PTPRD: variants seen among roughly 807,000 people sequenced by gnomAD.
PTPRD encodes receptor-type tyrosine-protein phosphatase delta.
Under a neutral mutation model 214.5 loss-of-function variants are expected in PTPRD, and 34 were observed. The observed-to-expected ratio is 0.16, with a 90% CI of 0.12 to 0.21. PTPRD has a LOEUF of 0.21. Ranked by LOEUF, PTPRD falls within the 10% of genes least tolerant of loss-of-function variation. The pLI is 1.00. For synonymous variants in PTPRD, 1,128 were observed against 845.7 expected (o/e 1.33, Z -5.79); for missense variants, 2,545 against 2,398.7 (o/e 1.06, Z -1.27).
chr9:10,510,020 T>C (rs1367066719), intron 2 of PTPRD, among the ~76,000 whole-genome samples: 2 of 152,102 alleles, frequency 1.3e-5, no homozygotes, highest in East Asian at 1.9e-4. Flanking sequence ...TGATATAATA[T>C]ATTTAATACT....
chr9:8,331,462 G>C (rs914357833), intron 44 of PTPRD, 120 bp downstream of exon 44: 6 of 1,147,666 alleles, frequency 5.2e-6, no homozygotes, highest in Admixed American at 2.6e-5. Context: ...CCTGCTTTAA[G>C]TTTTGTAATA....
At chr9:9,093,618 T>A (rs1220340296) in intron 10 of PTPRD, among the ~76,000 whole-genome samples, 1 of 151,668 alleles carries the variant, frequency 6.6e-6, no homozygotes, top group East Asian at 1.9e-4. Context: ...TGGGAAATTA[T>A]AAGCATTTTT....
chr9:10,482,724 A>T (rs543759358), intron 2 of PTPRD, among the ~76,000 whole-genome samples: 1 of 152,322 alleles, frequency 6.6e-6, no homozygotes, highest in African/African-American at 2.4e-5. Flanking sequence ...ACAGGTACAA[A>T]AAAATAAAAT....
chr9:10,285,800 C>CG (rs2095330148), intron 3 of PTPRD, among the ~76,000 whole-genome samples: 2 of 151,610 alleles, frequency 1.3e-5, no homozygotes, highest in African/African-American at 2.4e-5. Flanking sequence ...TTAGTAGAGA[C>CG]CGGTTTCACC....
At chr9:10,406,599 T>C (rs2098363986) in intron 2 of PTPRD, among the ~76,000 whole-genome samples, 1 of 151,552 alleles carries the variant, frequency 6.6e-6, no homozygotes, top group Non-Finnish European at 1.5e-5. Flanking sequence ...GCAACCAACA[T>C]GAAACACATT....
At chr9:9,682,632 G>A (rs1450956592) in intron 7 of PTPRD, among the ~76,000 whole-genome samples, 3 of 151,740 alleles carry the variant, frequency 2.0e-5, no homozygotes, top group African/African-American at 7.2e-5. Flanking sequence ...TGCTTAGGGA[G>A]ACAGACTGTC....
At chr9:8,774,250 C>T (rs567437043) in intron 11 of PTPRD, among the ~76,000 whole-genome samples, 3 of 87,630 alleles carry the variant, frequency 3.4e-5, no homozygotes, top group Admixed American at 1.3e-4. Context: ...CTTCAACGTC[C>T]GGATATCTTT....
At chr9:9,462,961 C>T (rs1041634647) in intron 8 of PTPRD, among the ~76,000 whole-genome samples, 1 of 152,140 alleles carries the variant, frequency 6.6e-6, no homozygotes, top group African/African-American at 2.4e-5. Flanking sequence ...GGAATTTAAA[C>T]ATTTTCAGAC....
At chr9:8,320,787 C>A (rs1273489552) in intron 44 of PTPRD, among the ~76,000 whole-genome samples, 2 of 152,064 alleles carry the variant, frequency 1.3e-5, no homozygotes, top group South Asian at 4.1e-4. Flanking sequence ...ACTCCAGAAT[C>A]TTCACGGTAG....
intron 11 of PTPRD, among the ~76,000 whole-genome samples, chr9:8,791,388 G>T (rs137951782): frequency 0.05 from 7,634 of 151,910 alleles, 659 homozygotes; most frequent in African/African-American, 0.17. Flanking sequence ...ATCACACCCA[G>T]CTAATTTTTG....
intron 9 of PTPRD, among the ~76,000 whole-genome samples, chr9:9,276,578 T>G (rs1175806823): frequency 2.0e-5 from 3 of 151,424 alleles, no homozygotes; most frequent in East Asian, 3.9e-4. Flanking sequence ...CATATTCTGC[T>G]CCTGTGACCT....
chr9:10,221,544 A>G lies in PTPRD; in HGVS notation c.-545+119419T>C, dbSNP rs546561859. Among the ~76,000 whole-genome samples the G allele has an allele frequency of 2.0e-5, 3 of 152,114 alleles. No homozygotes were observed. The East Asian group carries it at 5.8e-4, about 30-fold the overall frequency. On this transcript the variant is annotated intron_variant, in intron 3 of 45. Coordinates refer to ENST00000381196, the MANE Select transcript of PTPRD (RefSeq NM_002839.4). ...ATATAAAATTTATTATTTATCCGCT[A>G]TTCCTTAGAGTCCCTGAGCCAATAG...
rs73398229 is a variant in PTPRD, at chr9:10,596,338, T to G, written c.-600+16060A>C. ...AATTTTATGTCTATAGTAACATATA[T>G]GTTATACCCATATACACACACATAT... On this transcript the variant is annotated intron_variant, in intron 2 of 45. Transcript: ENST00000381196. 5.7e-3 allele frequency among the ~76,000 whole-genome samples: 858 copies of G among 151,808 alleles called. 12 individuals are homozygous for G. The highest frequency in any genetic ancestry group is 0.02 in the African/African-American group (823 of 41,486).
chr9:8,675,136 A>C (rs1482205829), intron 12 of PTPRD, among the ~76,000 whole-genome samples: 2 of 152,110 alleles, frequency 1.3e-5, no homozygotes, highest in Non-Finnish European at 2.9e-5. Flanking sequence ...GGGAAGCCTC[A>C]TGAGATAATG....
At chr9:8,732,324 C>G (rs2098668625) in intron 12 of PTPRD, among the ~76,000 whole-genome samples, 1 of 152,148 alleles carries the variant, frequency 6.6e-6, no homozygotes, top group Admixed American at 6.5e-5. Flanking sequence ...AAAACTCTAG[C>G]TGTGATCTGA....
intron 8 of PTPRD, among the ~76,000 whole-genome samples, chr9:9,461,294 C>G (rs147870711): frequency 5.5e-4 from 84 of 152,092 alleles, no homozygotes; most frequent in African/African-American, 1.8e-3. Flanking sequence ...ACCCATGTAA[C>G]ATACCTGCAC....
chr9:9,924,387 T>G (rs559344306), intron 5 of PTPRD, among the ~76,000 whole-genome samples: 1 of 152,194 alleles, frequency 6.6e-6, no homozygotes, highest in Non-Finnish European at 1.5e-5. Flanking sequence ...AAGCTGCCAT[T>G]ATTCTGTTGC....
At chr9:9,713,015 A>C (rs773679427) in intron 7 of PTPRD, among the ~76,000 whole-genome samples, 1 of 152,240 alleles carries the variant, frequency 6.6e-6, no homozygotes, top group Non-Finnish European at 1.5e-5. Flanking sequence ...AATCCCTGAC[A>C]AACAATCCTA....
At chr9:8,915,242 A>T (rs1215857674) in intron 11 of PTPRD, among the ~76,000 whole-genome samples, 1 of 152,194 alleles carries the variant, frequency 6.6e-6, no homozygotes, top group East Asian at 1.9e-4. Flanking sequence ...AATGAGATCA[A>T]CGTTTTGAAG....
Sources: allele counts gnomAD v4.1 joint callset (sites outside exome capture counted in the v4.1 genomes callset), GRCh38; gene constraint gnomAD v4.1.1; transcripts MANE v1.5; gene names NCBI Gene and HGNC (gene_info 2026-07-23, HGNC 2026-07-21).